Variants in UNC119B observed in about 807,000 individuals in gnomAD.
UNC119B encodes unc-119 lipid binding chaperone B.
A neutral mutation model predicts 23.4 loss-of-function variants in UNC119B; 16 were observed. The observed-to-expected ratio is 0.68, with a 90% CI of 0.46 to 1.04. The LOEUF (loss-of-function observed/expected upper bound fraction) is 1.04. Among genes scored for constraint, UNC119B ranks in the 50% least tolerant of loss-of-function variants. The pLI, the probability that UNC119B is intolerant of heterozygous loss-of-function variation, is 0.00. For missense variants in UNC119B, 350 were observed against 361.3 expected (o/e 0.97, Z 0.25); for synonymous variants, 144 against 145.4 (o/e 0.99, Z 0.07).
rs779329040 is a variant in UNC119B at position 120,720,045 on chromosome 12, T to G, written c.*13T>G. ...TGGAGGCCAGTAAGTGCTGCAAGAG[T>G]AGATAGGGGAGGTGCTTTGCCGCGG... On this transcript the variant is annotated 3_prime_UTR_variant, in exon 5 of 5. Transcript: ENST00000344651. 1 of 1,590,272 alleles carries G rather than the reference T, an allele frequency of 6.3e-7. No homozygotes were observed. The highest frequency in any genetic ancestry group is 1.4e-5 in the African/African-American group (1 of 73,840).
Position 120,717,557 on chromosome 12 carries a change from C to G in UNC119B, c.643+515C>G, listed in dbSNP as rs150921688. ...CAGGTGTGAGCCACTGCCCCCGGCC[C>G]TTTTGTTTTTTTCTTTTTTTTTTGA... is the stretch of plus-strand genomic sequence containing the variant. On this transcript the variant is annotated intron_variant, in intron 4 of 4. Coordinates refer to ENST00000344651, the MANE Select transcript of UNC119B (RefSeq NM_001080533.3). Among the ~76,000 whole-genome samples the G allele has an allele frequency of 3.2e-3, 470 of 146,978 alleles. 2 individuals carry two copies. The highest frequency in any genetic ancestry group is 0.011 in the African/African-American group (456 of 39,656).
intron 1 of UNC119B, 32 bp from the exon 2 acceptor site, chr12:120,713,242 T>A: frequency 6.7e-7 from 1 of 1,494,172 alleles, no homozygotes; most frequent in Non-Finnish European, 9.2e-7. Flanking sequence ...GAGGATTATT[T>A]AACAGTGTTG....
chr12:120,718,589 C>T (rs556231694), intron 4 of UNC119B, among the ~76,000 whole-genome samples: 78 of 152,208 alleles, frequency 5.1e-4, no homozygotes, highest in African/African-American at 1.7e-3. Context: ...CGTGTAGCCT[C>T]GGCAAGGGAA....
At position 120,711,706 on chromosome 12, in the gene UNC119B, T is replaced by A. The variant is rs1460892536; in HGVS notation, c.244+988T>A. 2.0e-5 allele frequency: 3 copies of A among 152,354 alleles called. 1 individual carries two copies. The highest frequency in any genetic ancestry group is 7.2e-5 in the African/African-American group (3 of 41,568). 9.4% of individuals were successfully genotyped at this position (152,354 alleles called of 1,614,324 possible). A position where few individuals can be genotyped will look rare whatever the true frequency, so the allele number is the denominator to read the frequency against. ...GGATGGATCGAAGGCTGCCATGGTGTCTGCTGAGCTGCTATAGCAGGCAGC... is the reference window on the plus strand; with the variant it reads ...GGATGGATCGAAGGCTGCCATGGTGACTGCTGAGCTGCTATAGCAGGCAGC... On this transcript the variant is annotated intron_variant, in intron 1 of 4. Coordinates refer to ENST00000344651, the MANE Select transcript of UNC119B (RefSeq NM_001080533.3).
At chr12:120,719,496 AT>A (rs1232481898) in intron 4 of UNC119B, among the ~76,000 whole-genome samples, 2 of 152,056 alleles carry the variant, frequency 1.3e-5, no homozygotes, top group Non-Finnish European at 2.9e-5. Context: ...TGAGGCTCAG[AT>A]TTCTGAATTT....
At position 120,722,635 on chromosome 12, in the gene UNC119B, A is replaced by C. The variant is rs1408762519; in HGVS notation, c.*2603A>C. The C allele has an allele frequency of 1.3e-5, 2 of 152,130 alleles. No individual in the cohort carries two copies. The highest frequency in any genetic ancestry group is 2.9e-5 in the Non-Finnish European group (2 of 68,008). 9.4% of individuals were successfully genotyped at this position (152,130 alleles called of 1,614,324 possible). ...CACATTTCATCAGAGTAGCAGGCCC[A>C]CCTGGTGCCAGAGGGCCTGCCCCTC... is the stretch of plus-strand genomic sequence containing the variant. On this transcript the variant is annotated 3_prime_UTR_variant, in exon 5 of 5. Coordinates refer to ENST00000344651, the MANE Select transcript of UNC119B (RefSeq NM_001080533.3).
rs866599357 is a variant in UNC119B at position 120,710,490 on chromosome 12, C to T, written c.16C>T (p.Pro6Ser). Residue 6 changes from proline to serine, a missense_variant, in exon 1 of 5, where the codon CCG becomes TCG. By Grantham distance (74) the Pro-to-Ser change is moderately conservative (BLOSUM62 -1). Coordinates refer to ENST00000344651, the MANE Select transcript of UNC119B (RefSeq NM_001080533.3). ...CGGCGGAGCGATGAGCGGGTCTAAC[C>T]CGAAGGCTGCGGCCGCGGCGTCGGC... MSGSN[P>S]KAAAAASAAG... is the part of the protein sequence containing the mutation. The T allele has an allele frequency of 4.4e-6, 6 of 1,354,534 alleles. No homozygotes were observed. The African/African-American group carries it at 6.1e-5, about 14-fold the overall frequency. The allele number at this position is 1,354,534 out of a possible 1,614,324, so 83.9% of individuals were successfully genotyped here.
rs1389267931 is a variant in UNC119B, at chr12:120,710,606, G to A, written c.132G>A (p.Ala44=). ...ACCGCCTGAAGGCGCGGCGGCAGGC[G>A]CCCCACCACGCGGCCGACGACGGCG... ...VLNRLKARRQ[A]PHHAADDGVG... Residue 44 remains alanine, a synonymous_variant, in exon 1 of 5, where the codon GCG becomes GCA. Transcript: ENST00000344651. 7.0e-7 allele frequency: 1 copy of A among 1,435,094 alleles called. No individual in the cohort carries two copies. Among genetic ancestry groups the A allele is most frequent in the Non-Finnish European group, 9.1e-7 (1 of 1,100,124 alleles). The allele number at this position is 1,435,094 out of a possible 1,614,324, so 88.9% of individuals were successfully genotyped here. A position where few individuals can be genotyped will look rare whatever the true frequency, so the allele number is the denominator to read the frequency against.
At chr12:120,719,432 A>C (rs76555581) in intron 4 of UNC119B, among the ~76,000 whole-genome samples, 1 of 152,146 alleles carries the variant, frequency 6.6e-6, no homozygotes. Context: ...CCTTGCACTC[A>C]TTCCAATCTA....
rs1051396027 is a variant in UNC119B at position 120,721,025 on chromosome 12, T to A, written c.*993T>A. ...GCAGCAGCTTTCTAAAGGAGAGATT[T>A]GACTTTTCTCTGCACTGCACAGCCT... On this transcript the variant is annotated 3_prime_UTR_variant, in exon 5 of 5. Coordinates refer to ENST00000344651, the MANE Select transcript of UNC119B (RefSeq NM_001080533.3). The A allele has an allele frequency of 2.0e-5, 3 of 152,190 alleles. No individual in the cohort carries two copies. Among genetic ancestry groups the A allele is most frequent in the Admixed American group, 1.3e-4 (2 of 15,272 alleles). 9.4% of individuals were successfully genotyped at this position (152,190 alleles called of 1,614,324 possible).
intron 1 of UNC119B, among the ~76,000 whole-genome samples, chr12:120,712,346 G>A (rs1231829021): frequency 1.3e-5 from 2 of 152,170 alleles, no homozygotes; most frequent in Non-Finnish European, 2.9e-5. Context: ...TTAATAAAGA[G>A]ACAACTTGTA....
rs1882956175 is a variant in UNC119B, at chr12:120,723,414, TAA to T, written c.*3384_*3385del. ...ACCACTGGTTTTACAAAGGACCGTG[TAA>T]AGTCATTGAAGTTGTGAAAGTCTAT... On this transcript the variant is annotated 3_prime_UTR_variant, in exon 5 of 5. Coordinates refer to ENST00000344651, the MANE Select transcript of UNC119B (RefSeq NM_001080533.3). 6.5e-6 allele frequency: 1 copy of T among 152,746 alleles called. No homozygotes were observed. The highest frequency in any genetic ancestry group is 1.5e-5 in the Non-Finnish European group (1 of 68,072). The allele number at this position is 152,746 out of a possible 1,614,324, so 9.5% of individuals were successfully genotyped here.
intron 4 of UNC119B, among the ~76,000 whole-genome samples, chr12:120,719,639 G>A (rs920597677): frequency 2.0e-5 from 3 of 152,162 alleles, no homozygotes; most frequent in African/African-American, 7.2e-5. Flanking sequence ...TGGTATCTTG[G>A]CTGAAGAATC....
chr12:120,710,501 G>C lies in UNC119B; in HGVS notation c.27G>C (p.Ala9=). ...TGAGCGGGTCTAACCCGAAGGCTGC[G>C]GCCGCGGCGTCGGCGGCTGGGCCCG... MSGSNPKA[A]AAASAAGPGG... Residue 9 remains alanine, a synonymous_variant, in exon 1 of 5, where the codon GCG becomes GCC. Transcript: ENST00000344651. 3 of 1,356,334 alleles carry C rather than the reference G, an allele frequency of 2.2e-6. No homozygotes were observed. Among genetic ancestry groups the C allele is most frequent in the Non-Finnish European group, 2.8e-6 (3 of 1,061,688 alleles). 84.0% of individuals were successfully genotyped at this position (1,356,334 alleles called of 1,614,324 possible).
intron 4 of UNC119B, among the ~76,000 whole-genome samples, chr12:120,717,981 G>A (rs1006573355): frequency 6.6e-6 from 1 of 151,060 alleles, no homozygotes; most frequent in Non-Finnish European, 1.5e-5. Context: ...ATGCCATTCT[G>A]CCTCAGCCTC....
In UNC119B at chr12:120,722,566, A is replaced by C. The variant is rs1476596279; in HGVS notation, c.*2534A>C. On this transcript the variant is annotated 3_prime_UTR_variant, in exon 5 of 5. Transcript: ENST00000344651. ...GTGATACAATGGGAGGCGGCAAAAA[A>C]ACTACCTGCATAGGAGACCCTGCCC... The C allele has an allele frequency of 6.6e-6, 1 of 152,276 alleles. No individual in the cohort carries two copies. The highest frequency in any genetic ancestry group is 2.4e-5 in the African/African-American group (1 of 41,472). The allele number at this position is 152,276 out of a possible 1,614,324, so 9.4% of individuals were successfully genotyped here.
chr12:120,719,490 G>C (rs1291320535), intron 4 of UNC119B, among the ~76,000 whole-genome samples: 1 of 152,196 alleles, frequency 6.6e-6, no homozygotes, highest in African/African-American at 2.4e-5. Flanking sequence ...GCACAGTGAG[G>C]CTCAGATTTC....
At chr12:120,719,312 C>A (rs1260132802) in intron 4 of UNC119B, among the ~76,000 whole-genome samples, 2 of 152,184 alleles carry the variant, frequency 1.3e-5, no homozygotes, top group Non-Finnish European at 2.9e-5. Flanking sequence ...TGGGCAATTG[C>A]CTGAACAAAC....
chr12:120,712,563 A>G (rs1017584464), intron 1 of UNC119B, among the ~76,000 whole-genome samples: 1 of 152,188 alleles, frequency 6.6e-6, no homozygotes, highest in Non-Finnish European at 1.5e-5. Flanking sequence ...TATGATATGT[A>G]TTGTCTACTG....
Sources: allele counts gnomAD v4.1 joint callset (sites outside exome capture counted in the v4.1 genomes callset), GRCh38; gene constraint gnomAD v4.1.1; transcripts MANE v1.5; gene names NCBI Gene and HGNC (gene_info 2026-07-23, HGNC 2026-07-21).